MIA2: variants seen among roughly 807,000 people sequenced by gnomAD.
MIA2 encodes MIA SH3 domain ER export factor 2, also known as melanoma inhibitory activity protein 2.
MIA2 carries 127 observed loss-of-function variants against 167.8 expected under a neutral mutation model. The ratio of observed to expected loss-of-function variants is 0.76; its 90% CI spans 0.66 to 0.88. The LOEUF is 0.88. MIA2 is among the 40% of genes least tolerant of loss of function. MIA2 has a pLI of 0.00. For missense variants in MIA2, 1,690 were observed against 1,624.7 expected, an observed-to-expected ratio of 1.04 and a Z score of -0.69; for synonymous variants, 552 against 541.9, an observed-to-expected ratio of 1.02 and a Z score of -0.26.
At chr14:39,261,249 T>C (rs572755818) in intron 6 of MIA2, among the ~76,000 whole-genome samples, 265 of 152,260 alleles carry the variant, frequency 1.7e-3, no homozygotes, top group South Asian at 2.7e-3. Context: ...GTTTGGTTTT[T>C]TGTTCTTGCG....
At position 39,303,510 on chromosome 14, in the gene MIA2, A is replaced by G. The variant is rs1455832317; in HGVS notation, c.2773A>G (p.Ile925Val). The G allele has an allele frequency of 6.2e-7, 1 of 1,610,932 alleles. No individual in the cohort carries two copies. The highest frequency in any genetic ancestry group is 8.5e-7 in the Non-Finnish European group (1 of 1,177,988). The change falls in exon 16 of 29, where the codon ATT becomes GTT. Residue 925 changes from isoleucine (I) to valine (V), a missense_variant. By Grantham distance (29) the Ile-to-Val change is conservative. Transcript: ENST00000640607. The stretch of plus-strand genomic sequence containing the variant: ...TCCAAAAGGAGCTTTGAAGAAACTG[A>G]TTCATGCTGCTAAGGTTTGTGCTAT... The part of the protein sequence containing the change: ...NPPKGALKKL[I>V]HAAKLNASLK...
chr14:39,320,659 T>G (rs1330083109), intron 23 of MIA2, among the ~76,000 whole-genome samples: 1 of 152,216 alleles, frequency 6.6e-6, no homozygotes, highest in African/African-American at 2.4e-5. Flanking sequence ...TTGCTTAATA[T>G]AAATGATTAT....
intron 24 of MIA2, among the ~76,000 whole-genome samples, chr14:39,322,949 T>TAAAAATCTAAATAA (rs2066741445): frequency 5.3e-5 from 8 of 152,158 alleles, no homozygotes; most frequent in Admixed American, 2.0e-4. Context: ...CATAAAGTAA[T>TAAAAATCTAAATAA]GAATCTAAAT....
At chr14:39,325,782 T>C (rs1032904381) in intron 24 of MIA2, among the ~76,000 whole-genome samples, 1 of 151,682 alleles carries the variant, frequency 6.6e-6, no homozygotes, top group Admixed American at 6.6e-5. Context: ...GGCACGATCT[T>C]GGCTCACTGC....
chr14:39,307,868 A>G (rs1367876731), intron 17 of MIA2, among the ~76,000 whole-genome samples: 1 of 152,146 alleles, frequency 6.6e-6, no homozygotes, highest in Admixed American at 6.6e-5. Context: ...GTTCTCACTT[A>G]TATATGGGAG....
intron 23 of MIA2, among the ~76,000 whole-genome samples, chr14:39,376,805 G>T (rs1467962058): frequency 6.6e-6 from 1 of 152,194 alleles, no homozygotes; most frequent in Non-Finnish European, 1.5e-5. Context: ...TGAATCCACA[G>T]GTTGCAAGAT....
chr14:39,291,403 C>T (rs1418691529), intron 10 of MIA2, among the ~76,000 whole-genome samples: 1 of 152,106 alleles, frequency 6.6e-6, no homozygotes, highest in Non-Finnish European at 1.5e-5. Context: ...TTAAGGTGAT[C>T]GTTCCTTTTT....
chr14:39,288,458 T>TTG (rs2060177787), intron 9 of MIA2, among the ~76,000 whole-genome samples: 1 of 16,034 alleles, frequency 6.2e-5, no homozygotes, highest in Non-Finnish European at 1.6e-4. Context: ...TATATATATA[T>TTG]ATATATATAT....
rs547114338 is a variant in MIA2 at position 39,347,392 on chromosome 14, G to A, written c.3779-321G>A. Among the ~76,000 whole-genome samples, 18 of 152,084 alleles carry A rather than the reference G, an allele frequency of 1.2e-4. 1 individual carries two copies. Among genetic ancestry groups the A allele is most frequent in the Admixed American group, 1.2e-3 (18 of 15,286 alleles). On this transcript the variant is annotated intron_variant, in intron 26 of 28. Coordinates refer to ENST00000640607, the MANE Select transcript of MIA2 (RefSeq NM_001329214.4). ...GAGGAGGAAGGAGAAGAGGATAGGA[G>A]GCAAACATAAAAGGAGGGAGGAGGA...
At position 39,359,127 on chromosome 14, in the gene MIA2, T is replaced by G. The variant is rs541345983; in HGVS notation, c.2248+10150T>G. Among the ~76,000 whole-genome samples the G allele has an allele frequency of 3.9e-5, 6 of 152,306 alleles. No homozygotes were observed. In the South Asian group the frequency reaches 1.2e-3, roughly 32 times the overall value. ...TGCAGAGGTTTCTGCTGCCTTTTGT[T>G]TGGCTGTGCCCTGCCCCCAGAGGTG... On this transcript the variant is annotated intron_variant, in intron 23 of 23. Transcript: ENST00000341502.
intron 23 of MIA2, among the ~76,000 whole-genome samples, chr14:39,357,093 T>C (rs570510641): frequency 6.6e-6 from 1 of 152,214 alleles, no homozygotes; most frequent in African/African-American, 2.4e-5. Context: ...CTGAGTTCAG[T>C]TCCTGGATAT....
In MIA2 at chr14:39,247,675, T is replaced by A. The variant is rs759595938; in HGVS notation, c.1101T>A (p.Thr367=). ...TAACAGAAAAAAAAGACACAATCAC[T>A]AATGATAGCTTGAGTCTCAAGCCAA... ...EILTEKKDTI[T]NDSLSLKPSW... is the part of the protein sequence containing the mutation. The change falls in exon 4 of 29, where the codon ACT becomes ACA. Residue 367 remains threonine (T), a synonymous_variant. Transcript: ENST00000640607. The A allele has an allele frequency of 6.2e-7, 1 of 1,611,862 alleles. No individual in the cohort carries two copies. Among genetic ancestry groups the A allele is most frequent in the Non-Finnish European group, 8.5e-7 (1 of 1,179,428 alleles).
chr14:39,269,043 TA>T lies in MIA2; in HGVS notation c.1888-7890del, dbSNP rs2152691942. 3.1e-6 allele frequency: 3 copies of T among 968,294 alleles called. No homozygotes were observed. The South Asian group carries it at 1.4e-4, about 47-fold the overall frequency. 60.0% of individuals were successfully genotyped at this position (968,294 alleles called of 1,614,324 possible). ...TGCAGCCAGATTTTGCAGTTTTCTC[TA>T]GTCTGGTGCGTTGTATCTTCACCTG... On this transcript the variant is annotated intron_variant, in intron 6 of 28. Coordinates refer to ENST00000640607, the MANE Select transcript of MIA2 (RefSeq NM_001329214.4).
chr14:39,355,075 G>GT (rs2074486168), downstream of MIA2, among the ~76,000 whole-genome samples: 1 of 20,012 alleles, frequency 5.0e-5, no homozygotes, highest in Non-Finnish European at 1.1e-4. Flanking sequence ...CTTTAAAGTG[G>GT]TTTTTTCCAT....
intron 9 of MIA2, among the ~76,000 whole-genome samples, chr14:39,280,732 A>AAAAC (rs549743260): frequency 2.6e-3 from 397 of 151,682 alleles, no homozygotes; most frequent in African/African-American, 7.4e-3. Context: ...ACTCCTTCTC[A>AAAAC]AAACAAACAA....
downstream of MIA2, among the ~76,000 whole-genome samples, chr14:39,353,634 A>G (rs1297124792): frequency 6.6e-6 from 1 of 152,034 alleles, no homozygotes; most frequent in Non-Finnish European, 1.5e-5. Flanking sequence ...GGTTTGTTAC[A>G]TATCTATACA....
chr14:39,295,458 C>T lies in MIA2; in HGVS notation c.2496+429C>T, dbSNP rs181241582. On this transcript the variant is annotated intron_variant, in intron 13 of 28. Transcript: ENST00000640607. ...CACGTATATTTCTTCTTCTCCTTTG[C>T]CAATGTAATTGTAACTTTTCAGTGG... Among the ~76,000 whole-genome samples the T allele has an allele frequency of 7.2e-5, 11 of 152,184 alleles. No homozygotes were observed. The East Asian group carries it at 2.1e-3, about 29-fold the overall frequency.
At chr14:39,282,462 C>T (rs973159956) in intron 9 of MIA2, among the ~76,000 whole-genome samples, 2 of 152,144 alleles carry the variant, frequency 1.3e-5, no homozygotes, top group African/African-American at 2.4e-5. Context: ...CTGCCCACCC[C>T]TCCAGGGCAG....
In MIA2 at chr14:39,294,019, G is replaced by T; in HGVS notation, c.2339G>T (p.Arg780Met). 6.2e-7 allele frequency: 1 copy of T among 1,611,098 alleles called. No homozygotes were observed. Among genetic ancestry groups the T allele is most frequent in the African/African-American group, 1.3e-5 (1 of 74,814 alleles). Residue 780 changes from arginine to methionine, a missense_variant, in exon 12 of 29, where the codon AGG (arginine) becomes ATG (methionine). Arg to Met is a moderately conservative substitution (Grantham distance 91). Transcript: ENST00000640607. ...TTCTAGATGGCGGATATTTCAAAAA[G>T]GATACAGTCTCTAGAAGATGAGTCA... is the stretch of plus-strand genomic sequence containing the variant. ...QDELMADISK[R>M]IQSLEDESKS...
Sources: gnomAD v4.1 joint callset for allele counts (sites outside exome capture counted in the v4.1 genomes callset) on GRCh38, gnomAD v4.1.1 for gene constraint, MANE v1.5 for transcripts, NCBI Gene and HGNC (gene_info 2026-07-23, HGNC 2026-07-21) for gene names.